ZFAT: variants seen among roughly 807,000 people sequenced by gnomAD.
ZFAT encodes the protein zinc finger protein ZFAT.
Under a neutral mutation model 117.7 loss-of-function variants are expected in ZFAT, and 64 were observed. The ratio of observed to expected loss-of-function variants is 0.54; its 90% CI spans 0.44 to 0.67. The LOEUF is 0.67. Ranked by LOEUF, ZFAT falls within the 30% of genes least tolerant of loss-of-function variation. ZFAT has a pLI of 0.00. For synonymous variants in ZFAT, 679 were observed against 615.0 expected (o/e 1.10, Z -1.54); for missense variants, 1,433 against 1,584.5 (o/e 0.90, Z 1.62).
chr8:134,583,312 GT>G (rs1825838122), intron 10 of ZFAT, among the ~76,000 whole-genome samples: 1 of 152,176 alleles, frequency 6.6e-6, no homozygotes, highest in African/African-American at 2.4e-5. Context: ...TCAATCAATG[GT>G]TCTTAATGAA....
At chr8:134,512,145 A>G (rs1199729354) in intron 14 of ZFAT, among the ~76,000 whole-genome samples, 1 of 152,244 alleles carries the variant, frequency 6.6e-6, no homozygotes, top group Non-Finnish European at 1.5e-5. Flanking sequence ...ACCATTAACA[A>G]TGAAAAGCAA....
At chr8:134,793,734 G>GGGGGT in the ZFAT span, 1 of 151,990 alleles carries the variant, frequency 6.6e-6, no homozygotes, top group African/African-American at 2.4e-5. Context: ...CAAGAGTCCG[G>GGGGGT]GGGCTGGAGA....
rs2129977718 is a variant in ZFAT at position 134,478,603 on chromosome 8, C to T, written c.3611G>A (p.Gly1204Asp). The change falls in exon 16 of 16, where the codon GGC becomes GAC. Residue 1204 changes from glycine (G) to aspartate (D), a missense_variant. Coordinates refer to ENST00000377838, the MANE Select transcript of ZFAT (RefSeq NM_020863.4). This position sits in a 1 kb window ranked among gnomAD's most constrained non-coding sequence, Gnocchi z 5.2. ...HLVVSSDDVE[G>D]IETVTVYTQG... ...CGTGTAGACAGTCACCGTCTCAATG[C>T]CCTCCACGTCGTCGGAGGACACCAC... 1.3e-6 allele frequency: 2 copies of T among 1,590,808 alleles called. No homozygotes were observed. The highest frequency in any genetic ancestry group is 1.8e-5 in the Admixed American group (1 of 57,008).
chr8:134,717,753 C>G (rs1316614913), upstream of ZFAT, among the ~76,000 whole-genome samples: 1 of 151,820 alleles, frequency 6.6e-6, no homozygotes, highest in Non-Finnish European at 1.5e-5. Flanking sequence ...GGCCAGAGTG[C>G]AGTGGTGAGA....
intron 3 of ZFAT, among the ~76,000 whole-genome samples, chr8:134,627,107 T>C (rs749741109): frequency 1.3e-5 from 2 of 152,078 alleles, no homozygotes; most frequent in Admixed American, 6.6e-5. Context: ...GTGAGATCCA[T>C]CCATGTCCAG....
the ZFAT span, among the ~76,000 whole-genome samples, chr8:134,830,385 C>T: frequency 2.6e-5 from 4 of 152,324 alleles, no homozygotes; most frequent in African/African-American, 9.6e-5. Context: ...TGATCTCTCT[C>T]TGCATCTGGT....
At chr8:134,824,927 G>C in the ZFAT span, among the ~76,000 whole-genome samples, 1 of 152,210 alleles carries the variant, frequency 6.6e-6, no homozygotes, top group Non-Finnish European at 1.5e-5. Flanking sequence ...GTGCTGTAAG[G>C]CATAGAATGT....
At chr8:134,648,644 T>A (rs754281035) in intron 2 of ZFAT, among the ~76,000 whole-genome samples, 3 of 151,882 alleles carry the variant, frequency 2.0e-5, no homozygotes, top group Non-Finnish European at 2.9e-5. Flanking sequence ...TAACAAGAGA[T>A]TGAATCAGTG....
chr8:134,822,148 C>T, the ZFAT span, among the ~76,000 whole-genome samples: 14 of 152,014 alleles, frequency 9.2e-5, no homozygotes, highest in African/African-American at 2.9e-4. Flanking sequence ...AAAGTTCCTA[C>T]GATGGCTGTT....
intron 11 of ZFAT, among the ~76,000 whole-genome samples, chr8:134,549,105 T>C (rs1016833501): frequency 6.6e-6 from 1 of 152,164 alleles, no homozygotes; most frequent in Non-Finnish European, 1.5e-5. Flanking sequence ...TCCAGAATGT[T>C]CTGGATGATG....
chr8:134,724,769 T>C, the ZFAT span, among the ~76,000 whole-genome samples: 1 of 152,116 alleles, frequency 6.6e-6, no homozygotes, highest in Non-Finnish European at 1.5e-5. Context: ...GAGCTGTCTA[T>C]AGCAAGGGGG....
intron 10 of ZFAT, among the ~76,000 whole-genome samples, chr8:134,580,951 G>A (rs1825672361): frequency 1.3e-5 from 2 of 151,922 alleles, no homozygotes; most frequent in South Asian, 4.1e-4. Context: ...AAACATAAAG[G>A]AAAATAAATG....
intron 15 of ZFAT, among the ~76,000 whole-genome samples, chr8:134,493,143 G>A (rs1369562455): frequency 6.6e-6 from 1 of 152,178 alleles, no homozygotes; most frequent in East Asian, 1.9e-4. Context: ...AAGCTGTAAA[G>A]GCCACCTGCT....
chr8:134,800,250 A>ATTTTAATAAAT, the ZFAT span, among the ~76,000 whole-genome samples: 46,272 of 151,728 alleles, frequency 0.3, 7,694 homozygotes, highest in African/African-American at 0.44. Flanking sequence ...ATTTAAAGGA[A>ATTTTAATAAAT]TTTTAATAAA....
At position 134,477,914 on chromosome 8, in the gene ZFAT, TGA is replaced by T; in HGVS notation, c.*566_*567del. 2 of 153,142 alleles carry T rather than the reference TGA, an allele frequency of 1.3e-5. No homozygotes were observed. Among genetic ancestry groups the T allele is most frequent in the Non-Finnish European group, 2.9e-5 (2 of 68,764 alleles). 9.5% of individuals were successfully genotyped at this position (153,142 alleles called of 1,614,324 possible). A position where few individuals can be genotyped will look rare whatever the true frequency, so the allele number is the denominator to read the frequency against. ...TGGTAGGGCGAGACCCTGTGATGGGTGAATTTACCTCACTTGATACCAAGGGC... is the reference window on the plus strand; with the variant it reads ...TGGTAGGGCGAGACCCTGTGATGGGTATTTACCTCACTTGATACCAAGGGC... On this transcript the variant is annotated 3_prime_UTR_variant, in exon 16 of 16. Transcript: ENST00000377838.
At chr8:134,654,542 G>A (rs948986675) in intron 2 of ZFAT, among the ~76,000 whole-genome samples, 4 of 152,070 alleles carry the variant, frequency 2.6e-5, no homozygotes, top group Non-Finnish European at 5.9e-5. Context: ...CAAGAGAAGG[G>A]CCCCACCAGT....
chr8:134,664,866 G>C (rs1024327987), intron 1 of ZFAT, among the ~76,000 whole-genome samples: 4 of 152,184 alleles, frequency 2.6e-5, no homozygotes, highest in African/African-American at 9.7e-5. Context: ...CTTATCAAAA[G>C]AATTCAAAGG....
chr8:134,618,053 TAAG>T (rs1039781030), intron 3 of ZFAT, among the ~76,000 whole-genome samples: 1 of 152,088 alleles, frequency 6.6e-6, no homozygotes, highest in African/African-American at 2.4e-5. Flanking sequence ...CACCACCATG[TAAG>T]AAGTGCCTTT....
chr8:134,494,975 TTC>T (rs1176202869), intron 15 of ZFAT, among the ~76,000 whole-genome samples: 1 of 152,208 alleles, frequency 6.6e-6, no homozygotes, highest in Non-Finnish European at 1.5e-5. Context: ...ACCCACGTAC[TTC>T]TCTCTCAGAG....
Sources: gnomAD v4.1 joint callset for allele counts (sites outside exome capture counted in the v4.1 genomes callset) on GRCh38, gnomAD v4.1.1 for gene constraint, Gnocchi (gnomAD v3.1) non-coding constraint, MANE v1.5 for transcripts, NCBI Gene and HGNC (gene_info 2026-07-23, HGNC 2026-07-21) for gene names.